Variants in ZNF385D observed in about 807,000 individuals in gnomAD.
ZNF385D encodes the protein zinc finger protein 659.
A neutral mutation model predicts 35.8 loss-of-function variants in ZNF385D; 15 were observed. That is an observed-to-expected ratio of 0.42 (90% CI 0.28 to 0.64). ZNF385D has a LOEUF of 0.64. Among genes scored for constraint, ZNF385D ranks in the 30% least tolerant of loss-of-function variants. The probability of loss-of-function intolerance (pLI) is 0.23; values close to 1 mark genes in which losing one functional copy is unlikely to be tolerated. For missense variants in ZNF385D, 474 were observed against 494.6 expected (o/e 0.96, Z 0.39); for synonymous variants, 212 against 186.8 (o/e 1.13, Z -1.10).
chr3:22,103,214 A>T (rs922910622), intron 3 of ZNF385D, among the ~76,000 whole-genome samples: 5 of 147,486 alleles, frequency 3.4e-5, no homozygotes, highest in Admixed American at 2.7e-4. Flanking sequence ...CCCTGGGGCC[A>T]TTTTTTTTTT....
At chr3:22,071,018 C>T (rs1700202442) in intron 3 of ZNF385D, among the ~76,000 whole-genome samples, 1 of 151,994 alleles carries the variant, frequency 6.6e-6, no homozygotes, top group Non-Finnish European at 1.5e-5. Flanking sequence ...GTTCAGTTGC[C>T]AAATCTATGA....
chr3:21,778,919 T>C (rs761178732), intron 3 of ZNF385D, among the ~76,000 whole-genome samples: 14 of 151,970 alleles, frequency 9.2e-5, no homozygotes, highest in Admixed American at 2.6e-4. Context: ...GTCCTATTAA[T>C]ATCCCTGCTT....
At chr3:22,213,392 A>G (rs1047958261) in intron 2 of ZNF385D, among the ~76,000 whole-genome samples, 1 of 152,106 alleles carries the variant, frequency 6.6e-6, no homozygotes, top group Admixed American at 6.6e-5. Flanking sequence ...ATTGGGTTAT[A>G]GTTTGTGGAT....
At chr3:21,495,784 A>C (rs1705793191) in intron 4 of ZNF385D, among the ~76,000 whole-genome samples, 1 of 152,134 alleles carries the variant, frequency 6.6e-6, no homozygotes, top group Non-Finnish European at 1.5e-5. Flanking sequence ...AAGAATTAAT[A>C]GATAGATAAA....
intron 3 of ZNF385D, among the ~76,000 whole-genome samples, chr3:21,771,249 A>G (rs2071066818): frequency 6.6e-6 from 1 of 151,952 alleles, no homozygotes. Flanking sequence ...TAATAAAAAA[A>G]AAAACCTGAG....
chr3:21,719,487 C>T (rs960253976), intron 1 of ZNF385D, among the ~76,000 whole-genome samples: 1 of 152,198 alleles, frequency 6.6e-6, no homozygotes, highest in Admixed American at 6.5e-5. Flanking sequence ...CTGGAGAGAG[C>T]ACGCGCACTT....
At chr3:22,041,065 T>A (rs1698635255) in intron 3 of ZNF385D, among the ~76,000 whole-genome samples, 1 of 151,774 alleles carries the variant, frequency 6.6e-6, no homozygotes, top group Non-Finnish European at 1.5e-5. Context: ...CATGAAGGGG[T>A]TTCAAAAGAT....
intron 3 of ZNF385D, among the ~76,000 whole-genome samples, chr3:21,939,123 C>T (rs1293563258): frequency 6.6e-6 from 1 of 152,168 alleles, no homozygotes; most frequent in Non-Finnish European, 1.5e-5. Context: ...CAAGTGGAGA[C>T]TAATGTGCTG....
chr3:22,311,889 G>A (rs1330860288), intron 2 of ZNF385D, among the ~76,000 whole-genome samples: 2 of 152,048 alleles, frequency 1.3e-5, no homozygotes, highest in Non-Finnish European at 2.9e-5. Context: ...ATTTTGTCAA[G>A]TGGCATACTT....
intron 3 of ZNF385D, among the ~76,000 whole-genome samples, chr3:22,031,209 G>A (rs1697978805): frequency 6.6e-6 from 1 of 152,218 alleles, no homozygotes; most frequent in Admixed American, 6.5e-5. Flanking sequence ...AGGGTCTGAA[G>A]AATGGTAGCC....
intron 1 of ZNF385D, among the ~76,000 whole-genome samples, chr3:21,692,302 T>C (rs929964708): frequency 6.6e-6 from 1 of 152,158 alleles, no homozygotes; most frequent in African/African-American, 2.4e-5. Context: ...GCTTTATATT[T>C]CTGGCTTTTC....
At chr3:21,509,293 T>A (rs1707022656) in intron 4 of ZNF385D, among the ~76,000 whole-genome samples, 1 of 152,202 alleles carries the variant, frequency 6.6e-6, no homozygotes, top group Admixed American at 6.5e-5. Context: ...CCCTACCTAC[T>A]GCCTTCTTTG....
At chr3:21,713,964 C>A (rs1265766839) in intron 1 of ZNF385D, among the ~76,000 whole-genome samples, 3 of 152,148 alleles carry the variant, frequency 2.0e-5, no homozygotes, top group Admixed American at 1.3e-4. Flanking sequence ...TACCCTGTTC[C>A]TGATCTTTTC....
intron 3 of ZNF385D, among the ~76,000 whole-genome samples, chr3:21,881,167 C>T (rs189064529): frequency 7.7e-4 from 117 of 151,882 alleles, no homozygotes; most frequent in African/African-American, 2.3e-3. Context: ...CTACAGTACA[C>T]AACAGATTCT....
intron 2 of ZNF385D, among the ~76,000 whole-genome samples, chr3:22,247,248 G>A (rs897069443): frequency 6.6e-6 from 1 of 151,468 alleles, no homozygotes; most frequent in Admixed American, 6.6e-5. Context: ...CTGATTAAAA[G>A]AAAAAATAAT....
At chr3:22,329,570 A>G (rs1360080702) in intron 2 of ZNF385D, among the ~76,000 whole-genome samples, 1 of 152,134 alleles carries the variant, frequency 6.6e-6, no homozygotes, top group Non-Finnish European at 1.5e-5. Flanking sequence ...ATTGTACACA[A>G]ATTTGTCAAT....
At chr3:22,197,386 C>G (rs1055915634) in intron 2 of ZNF385D, among the ~76,000 whole-genome samples, 7 of 151,942 alleles carry the variant, frequency 4.6e-5, no homozygotes, top group African/African-American at 1.4e-4. Flanking sequence ...TGTTTCCTAC[C>G]CATGATTTGT....
intron 2 of ZNF385D, among the ~76,000 whole-genome samples, chr3:22,247,708 C>T (rs1382433220): frequency 1.3e-5 from 2 of 151,884 alleles, no homozygotes; most frequent in South Asian, 2.1e-4. Context: ...TGGCTCACTG[C>T]AACCTCCTGC....
chr3:21,821,468 A>G (rs1694228411), intron 3 of ZNF385D, among the ~76,000 whole-genome samples: 1 of 152,244 alleles, frequency 6.6e-6, no homozygotes, highest in Non-Finnish European at 1.5e-5. Flanking sequence ...TAAAAAATAC[A>G]GCAAACATAT....
Sources: allele counts gnomAD v4.1 joint callset (sites outside exome capture counted in the v4.1 genomes callset), GRCh38; gene constraint gnomAD v4.1.1; transcripts MANE v1.5; gene names NCBI Gene and HGNC (gene_info 2026-07-23, HGNC 2026-07-21).